The following MAF variants were observed in gnomAD, a reference collection of about 807,000 sequenced individuals.
MAF encodes MAF bZIP transcription factor.
MAF carries 10 observed loss-of-function variants against 22.0 expected under a neutral mutation model. That is an observed-to-expected ratio of 0.45 (90% CI 0.28 to 0.77). The LOEUF (loss-of-function observed/expected upper bound fraction) is 0.77. Among genes scored for constraint, MAF ranks in the 30% least tolerant of loss-of-function variants. MAF has a pLI of 0.12. For synonymous variants in MAF, 337 were observed against 255.8 expected (o/e 1.32, Z -3.03); for missense variants, 544 against 548.4 (o/e 0.99, Z 0.08).
At chr16:79,574,742 TG>T in the MAF span, among the ~76,000 whole-genome samples, 8 of 152,324 alleles carry the variant, frequency 5.3e-5, no homozygotes, top group Admixed American at 1.3e-4. Flanking sequence ...TCACTTTCCC[TG>T]GGCACCTTAC....
the MAF span, among the ~76,000 whole-genome samples, chr16:79,250,142 A>G: frequency 5.9e-5 from 9 of 152,208 alleles, no homozygotes; most frequent in African/African-American, 1.9e-4. Flanking sequence ...TTTGTCCACA[A>G]ATATTCCCTT....
chr16:79,484,789 G>A, the MAF span, among the ~76,000 whole-genome samples: 2 of 152,226 alleles, frequency 1.3e-5, no homozygotes, highest in Admixed American at 6.5e-5. Flanking sequence ...GGTGACATGT[G>A]TGCATGTGCA....
At chr16:79,425,406 G>A in the MAF span, among the ~76,000 whole-genome samples, 1 of 152,140 alleles carries the variant, frequency 6.6e-6, no homozygotes, top group African/African-American at 2.4e-5. Context: ...AACATCCGCA[G>A]AGATAAAAGG....
chr16:79,532,254 A>C, the MAF span, among the ~76,000 whole-genome samples: 1 of 152,268 alleles, frequency 6.6e-6, no homozygotes, highest in East Asian at 1.9e-4. Context: ...GTTTGAGAAG[A>C]ACCAAGGCAG....
the MAF span, among the ~76,000 whole-genome samples, chr16:79,425,406 G>T: frequency 6.6e-6 from 1 of 152,140 alleles, no homozygotes; most frequent in East Asian, 1.9e-4. Context: ...AACATCCGCA[G>T]AGATAAAAGG....
the MAF span, among the ~76,000 whole-genome samples, chr16:79,301,356 C>T: frequency 1.3e-5 from 2 of 151,944 alleles, no homozygotes; most frequent in Non-Finnish European, 2.9e-5. Context: ...TGTAAGTGTG[C>T]CTCCATGCAT....
At chr16:79,468,479 G>T in the MAF span, among the ~76,000 whole-genome samples, 2 of 152,210 alleles carry the variant, frequency 1.3e-5, no homozygotes, top group Non-Finnish European at 2.9e-5. Context: ...CTCTTGTTTG[G>T]CCCGTCTGCT....
At chr16:79,210,815 C>A in the MAF span, among the ~76,000 whole-genome samples, 1 of 152,072 alleles carries the variant, frequency 6.6e-6, no homozygotes, top group Non-Finnish European at 1.5e-5. Flanking sequence ...TGCACACGTC[C>A]CTAGCCACAG....
the MAF span, among the ~76,000 whole-genome samples, chr16:79,463,310 A>C: frequency 6.6e-6 from 1 of 152,238 alleles, no homozygotes. Flanking sequence ...TTTAAGTCAC[A>C]TAATGACATG....
the MAF span, among the ~76,000 whole-genome samples, chr16:79,555,499 A>G: frequency 8.8e-4 from 134 of 152,320 alleles, 2 homozygotes; most frequent in Admixed American, 8.8e-3. Flanking sequence ...CCTTCACCAC[A>G]GCTGACTTTA....
chr16:79,388,440 T>C, the MAF span, among the ~76,000 whole-genome samples: 1 of 152,226 alleles, frequency 6.6e-6, no homozygotes, highest in Non-Finnish European at 1.5e-5. Flanking sequence ...CCTGCCACTA[T>C]ATATAGTCCA....
the MAF span, among the ~76,000 whole-genome samples, chr16:79,235,848 C>T: frequency 7.0e-4 from 107 of 152,166 alleles, no homozygotes; most frequent in African/African-American, 2.5e-3. Context: ...ATTGTCTTAA[C>T]TATTCACTGA....
At chr16:79,323,337 G>C in the MAF span, among the ~76,000 whole-genome samples, 1 of 151,616 alleles carries the variant, frequency 6.6e-6, no homozygotes, top group Non-Finnish European at 1.5e-5. Flanking sequence ...AGAGGACCGT[G>C]GTTATGTCAG....
the MAF span, among the ~76,000 whole-genome samples, chr16:79,449,117 C>T: frequency 6.6e-6 from 1 of 152,204 alleles, no homozygotes; most frequent in Non-Finnish European, 1.5e-5. Flanking sequence ...GCCCAGACTC[C>T]TGGCATGCAC....
the MAF span, among the ~76,000 whole-genome samples, chr16:79,435,761 T>C: frequency 0.017 from 2,589 of 152,310 alleles, 90 homozygotes; most frequent in African/African-American, 0.059. Context: ...TGCATTTGTC[T>C]TGACCATATC....
the MAF span, among the ~76,000 whole-genome samples, chr16:79,368,348 G>C: frequency 1.3e-5 from 2 of 152,128 alleles, no homozygotes; most frequent in African/African-American, 4.8e-5. Flanking sequence ...ACAGAGGGTA[G>C]ACATTATCTA....
the MAF span, among the ~76,000 whole-genome samples, chr16:79,467,299 C>T: frequency 6.6e-6 from 1 of 152,184 alleles, no homozygotes; most frequent in Admixed American, 6.5e-5. Context: ...ATCATACAGT[C>T]ACCCTTACAT....
the MAF span, among the ~76,000 whole-genome samples, chr16:79,395,565 CG>C: frequency 1.8e-4 from 28 of 152,152 alleles, no homozygotes; most frequent in Non-Finnish European, 2.8e-4. Flanking sequence ...TGCCATATGA[CG>C]GGGGGCAGAG....
the MAF span, among the ~76,000 whole-genome samples, chr16:79,454,427 T>C: frequency 9.2e-5 from 14 of 152,242 alleles, no homozygotes; most frequent in South Asian, 2.5e-3. Flanking sequence ...CCAATATTGG[T>C]CTTGATTACT....
Sources: gnomAD v4.1 joint callset for allele counts (sites outside exome capture counted in the v4.1 genomes callset) on GRCh38, gnomAD v4.1.1 for gene constraint, MANE v1.5 for transcripts, NCBI Gene and HGNC (gene_info 2026-07-23, HGNC 2026-07-21) for gene names.